The following ABTB2 variants were observed in gnomAD, a reference collection of about 807,000 sequenced individuals.
The protein encoded by ABTB2 is ankyrin repeat and BTB domain containing 2.
ABTB2 carries 56 observed loss-of-function variants against 104.1 expected under a neutral mutation model. The observed-to-expected ratio is 0.54, with a 90% confidence interval of 0.43 to 0.67. The LOEUF (loss-of-function observed/expected upper bound fraction) is 0.67. Among genes scored for constraint, ABTB2 ranks in the 30% least tolerant of loss-of-function variants. The pLI is 0.00. For missense variants in ABTB2, 1,279 were observed against 1,407.7 expected, an observed-to-expected ratio of 0.91 and a Z score of 1.46; for synonymous variants, 606 against 608.2, an observed-to-expected ratio of 1.00 and a Z score of 0.05.
chr11:34,294,376 G>C (rs1758066337), intron 1 of ABTB2, among the ~76,000 whole-genome samples: 1 of 152,170 alleles, frequency 6.6e-6, no homozygotes, highest in African/African-American at 2.4e-5. Flanking sequence ...GGGCCTTTGA[G>C]TCTGACAATA....
chr11:34,243,774 G>T (rs1419938809), intron 1 of ABTB2, among the ~76,000 whole-genome samples: 1 of 152,182 alleles, frequency 6.6e-6, no homozygotes, highest in Non-Finnish European at 1.5e-5. Flanking sequence ...CACCCACCCA[G>T]ACCCAGGACC....
Position 34,171,073 on chromosome 11 carries a change from T to C in ABTB2, c.1398-2A>G. On this transcript the variant is annotated splice_acceptor_variant, in intron 4 of 16. Coordinates refer to ENST00000435224, the MANE Select transcript of ABTB2 (RefSeq NM_145804.3). LOFTEE classifies it high-confidence loss of function. ...AAGGAACTGAAACAGTGTTCGGGTC[T>C]GCCCAGAAGAGACCCAAAGGTGCGT... 1.9e-6 allele frequency: 3 copies of C among 1,613,618 alleles called. No individual in the cohort carries two copies. Among genetic ancestry groups the C allele is most frequent in the Non-Finnish European group, 2.5e-6 (3 of 1,179,766 alleles).
intron 3 of ABTB2, among the ~76,000 whole-genome samples, chr11:34,187,371 C>A (rs1853114090): frequency 6.6e-6 from 1 of 152,144 alleles, no homozygotes; most frequent in African/African-American, 2.4e-5. Flanking sequence ...AAATGGAATC[C>A]AGTTTGTAGA....
chr11:34,190,265 G>GC (rs141540522), intron 3 of ABTB2, among the ~76,000 whole-genome samples: 26,976 of 72,306 alleles, frequency 0.37, 3,457 homozygotes, highest in South Asian at 0.47. Context: ...CTGCCCCGCT[G>GC]CCCCCCCAAA....
At chr11:34,190,929 A>G (rs914717307) in intron 3 of ABTB2, among the ~76,000 whole-genome samples, 3 of 152,210 alleles carry the variant, frequency 2.0e-5, no homozygotes, top group Non-Finnish European at 1.5e-5. Flanking sequence ...CATTTAGCTA[A>G]GTGCTTTACT....
At chr11:34,350,363 G>C (rs1855383204) in intron 1 of ABTB2, among the ~76,000 whole-genome samples, 1 of 152,186 alleles carries the variant, frequency 6.6e-6, no homozygotes. Flanking sequence ...ATTAGCCTTT[G>C]CTGAGCTGAC....
chr11:34,190,140 T>A (rs1460923120), intron 3 of ABTB2, among the ~76,000 whole-genome samples: 1 of 152,160 alleles, frequency 6.6e-6, no homozygotes, highest in African/African-American at 2.4e-5. Flanking sequence ...CTCGGGAGGC[T>A]GAGGCAGGAG....
intron 1 of ABTB2, among the ~76,000 whole-genome samples, chr11:34,219,653 T>C (rs1565144269): frequency 6.6e-6 from 1 of 152,254 alleles, no homozygotes; most frequent in Non-Finnish European, 1.5e-5. Context: ...CAGAAATATG[T>C]ACCATTGTGT....
intron 1 of ABTB2, among the ~76,000 whole-genome samples, chr11:34,329,172 A>C (rs145402103): frequency 6.6e-6 from 1 of 152,358 alleles, no homozygotes; most frequent in East Asian, 1.9e-4. Context: ...AGGTTTCATT[A>C]GAACAAATAA....
At chr11:34,299,276 C>A (rs1854667432) in intron 1 of ABTB2, among the ~76,000 whole-genome samples, 2 of 152,160 alleles carry the variant, frequency 1.3e-5, no homozygotes. Context: ...GAAAAATAAG[C>A]TGTCTTCGGA....
intron 1 of ABTB2, among the ~76,000 whole-genome samples, chr11:34,227,273 CA>C (rs1348173491): frequency 1.1e-3 from 91 of 80,264 alleles, no homozygotes; most frequent in Admixed American, 3.2e-3. Flanking sequence ...GACTCCATCT[CA>C]AAAAAAAAAA....
intron 1 of ABTB2, among the ~76,000 whole-genome samples, chr11:34,311,668 T>C (rs1219232819): frequency 6.6e-6 from 1 of 152,252 alleles, no homozygotes; most frequent in Non-Finnish European, 1.5e-5. Flanking sequence ...GGTGTCCATT[T>C]ATACTGGGAG....
intron 1 of ABTB2, among the ~76,000 whole-genome samples, chr11:34,306,294 T>A (rs1854770349): frequency 7.6e-6 from 1 of 130,890 alleles, no homozygotes; most frequent in Non-Finnish European, 1.5e-5. Context: ...TCATCTAGGC[T>A]GGAGTGCAGT....
intron 10 of ABTB2, 28 bp from the exon 11 acceptor site, chr11:34,161,109 T>G (rs1277919435): frequency 1.3e-6 from 2 of 1,582,356 alleles, no homozygotes; most frequent in Non-Finnish European, 1.7e-6. Flanking sequence ...GGGCAGGCAG[T>G]CACGCACCAC....
intron 1 of ABTB2, among the ~76,000 whole-genome samples, chr11:34,244,175 T>C (rs1380221879): frequency 6.6e-6 from 1 of 152,110 alleles, no homozygotes. Flanking sequence ...CTGGAGATGT[T>C]GCTGCTGACC....
chr11:34,190,133 G>C (rs552098851), intron 3 of ABTB2, among the ~76,000 whole-genome samples: 1 of 152,146 alleles, frequency 6.6e-6, no homozygotes, highest in Non-Finnish European at 1.5e-5. Flanking sequence ...CCAGCTACTC[G>C]GGAGGCTGAG....
At chr11:34,256,595 T>C (rs1287807640) in intron 1 of ABTB2, among the ~76,000 whole-genome samples, 1 of 152,090 alleles carries the variant, frequency 6.6e-6, no homozygotes, top group Non-Finnish European at 1.5e-5. Flanking sequence ...TGGGGGAGAA[T>C]CAAGTCGCTA....
chr11:34,249,636 G>T (rs915030105), intron 1 of ABTB2, among the ~76,000 whole-genome samples: 2 of 152,178 alleles, frequency 1.3e-5, no homozygotes, highest in Non-Finnish European at 2.9e-5. Flanking sequence ...TCCCAGTTAA[G>T]TAAATATATG....
chr11:34,335,652 T>C lies in ABTB2; in HGVS notation c.883+21049A>G, dbSNP rs779080750. The C allele has an allele frequency of 4.0e-5, 58 of 1,436,426 alleles. 1 individual carries two copies. The Middle Eastern group carries it at 6.6e-4, about 16-fold the overall frequency. The allele number at this position is 1,436,426 out of a possible 1,614,324, so 89.0% of individuals were successfully genotyped here. ...CATTACCCTGAAATTCATTCACATA[T>C]TGTGTCATCACAAACTTGTGTCTTT... On this transcript the variant is annotated intron_variant, in intron 1 of 16. Coordinates refer to ENST00000435224, the MANE Select transcript of ABTB2 (RefSeq NM_145804.3).
Sources: gnomAD v4.1 joint callset for allele counts (sites outside exome capture counted in the v4.1 genomes callset) on GRCh38, gnomAD v4.1.1 for gene constraint, MANE v1.5 for transcripts, NCBI Gene and HGNC (gene_info 2026-07-23, HGNC 2026-07-21) for gene names.